Variants in EEA1 observed in about 807,000 individuals in gnomAD.
EEA1 encodes the protein early endosome antigen 1, 162kD.
A neutral mutation model predicts 209.2 loss-of-function variants in EEA1; 111 were observed. The observed-to-expected ratio is 0.53, with a 90% CI of 0.45 to 0.62. The LOEUF (loss-of-function observed/expected upper bound fraction) is 0.62. Among genes scored for constraint, EEA1 ranks in the 20% least tolerant of loss-of-function variants. The pLI, the probability that EEA1 is intolerant of heterozygous loss-of-function variation, is 0.00. For synonymous variants in EEA1, 536 were observed against 540.6 expected (o/e 0.99, Z 0.12); for missense variants, 1,343 against 1,530.8 (o/e 0.88, Z 2.05).
intron 3 of EEA1, among the ~76,000 whole-genome samples, chr12:92,860,065 T>C (rs1028756891): frequency 1.3e-5 from 2 of 152,230 alleles, no homozygotes; most frequent in African/African-American, 4.8e-5. Context: ...ATCTCTCCAC[T>C]TTCAGCTGTA....
Position 92,842,505 on chromosome 12 carries a change from T to G in EEA1, c.875A>C (p.Lys292Thr). 6.2e-7 allele frequency: 1 copy of G among 1,608,636 alleles called. No individual in the cohort carries two copies. The highest frequency in any genetic ancestry group is 8.5e-7 in the Non-Finnish European group (1 of 1,177,384). The change falls in exon 10 of 29, where the codon AAA becomes ACA. Residue 292 changes from lysine to threonine, a missense_variant. Coordinates refer to ENST00000322349, the MANE Select transcript of EEA1 (RefSeq NM_003566.4). ...EVAVYVQELQ[K>T]LKSSVNELTQ... The stretch of plus-strand genomic sequence containing the variant: ...TAATTCATTAACTGAACTTTTCAGT[T>G]TTTGTAGTTCCTGTACATATACAGC...
intron 21 of EEA1, among the ~76,000 whole-genome samples, chr12:92,794,729 C>T (rs1218598440): frequency 1.1e-4 from 8 of 73,148 alleles, no homozygotes; most frequent in African/African-American, 3.1e-4. Flanking sequence ...CAGGGCCTGT[C>T]GGGGGGTGGG....
intron 9 of EEA1, among the ~76,000 whole-genome samples, chr12:92,846,043 T>C (rs987458754): frequency 2.6e-5 from 4 of 152,230 alleles, no homozygotes; most frequent in African/African-American, 9.6e-5. Context: ...GCAAACATCC[T>C]GCTGGTGCAT....
At chr12:92,873,256 C>T (rs903713740) in intron 2 of EEA1, among the ~76,000 whole-genome samples, 5 of 151,852 alleles carry the variant, frequency 3.3e-5, no homozygotes, top group African/African-American at 7.3e-5. Context: ...AAGTGCTCAA[C>T]GAATATGAAT....
chr12:92,787,257 A>G (rs1250600804), intron 22 of EEA1, among the ~76,000 whole-genome samples: 2 of 152,182 alleles, frequency 1.3e-5, no homozygotes, highest in African/African-American at 4.8e-5. Flanking sequence ...AGAGAACACA[A>G]ATATTCCATT....
At chr12:92,797,303 G>T (rs1474346446) in intron 21 of EEA1, among the ~76,000 whole-genome samples, 1 of 152,112 alleles carries the variant, frequency 6.6e-6, no homozygotes, top group Non-Finnish European at 1.5e-5. Flanking sequence ...GGCCAGGCTG[G>T]TCTCGAACTC....
intron 13 of EEA1, among the ~76,000 whole-genome samples, chr12:92,823,647 C>T (rs1440465799): frequency 6.6e-6 from 1 of 152,182 alleles, no homozygotes; most frequent in Non-Finnish European, 1.5e-5. Flanking sequence ...TTTCATGTTT[C>T]CATAATGAGG....
At chr12:92,850,398 A>G (rs1877561909) in intron 9 of EEA1, among the ~76,000 whole-genome samples, 1 of 152,190 alleles carries the variant, frequency 6.6e-6, no homozygotes, top group Admixed American at 6.5e-5. Flanking sequence ...TCAATTAGAA[A>G]TAAGCTTATG....
At chr12:92,790,248 G>T (rs758978455) in intron 21 of EEA1, among the ~76,000 whole-genome samples, 8 of 152,132 alleles carry the variant, frequency 5.3e-5, no homozygotes, top group Non-Finnish European at 1.2e-4. Flanking sequence ...ACAGCTCCTC[G>T]CCAGCAACAG....
chr12:92,820,772 T>TACAC (rs780642918), intron 13 of EEA1, among the ~76,000 whole-genome samples: 2 of 150,870 alleles, frequency 1.3e-5, no homozygotes, highest in Non-Finnish European at 3.0e-5. Flanking sequence ...TATATATATA[T>TACAC]ATACACACAC....
chr12:92,775,825 A>T lies in EEA1; in HGVS notation c.*186T>A. ...GGGAAAAAAGTAATGAAAGATGATA[A>T]GCCCAAGTCTCACAAAAATAGAAGA... On this transcript the variant is annotated 3_prime_UTR_variant, in exon 29 of 29. Transcript: ENST00000322349. 1 of 465,736 alleles carries T rather than the reference A, an allele frequency of 2.1e-6. No homozygotes were observed. Among genetic ancestry groups the T allele is most frequent in the Non-Finnish European group, 3.5e-6 (1 of 288,392 alleles). 28.9% of individuals were successfully genotyped at this position (465,736 alleles called of 1,614,324 possible).
At chr12:92,808,929 A>G in intron 18 of EEA1, 88 bp downstream of exon 18, 2 of 1,209,738 alleles carry the variant, frequency 1.7e-6, no homozygotes, top group Non-Finnish European at 2.2e-6. Flanking sequence ...TTTAAGCACT[A>G]CGATAGCAAA....
At chr12:92,880,656 T>C (rs935371368) in intron 2 of EEA1, among the ~76,000 whole-genome samples, 6 of 152,146 alleles carry the variant, frequency 3.9e-5, no homozygotes, top group Non-Finnish European at 7.4e-5. Context: ...TTTGTATTTT[T>C]AGTAGAGACG....
chr12:92,791,959 A>T (rs1332520961), intron 21 of EEA1, among the ~76,000 whole-genome samples: 1 of 152,252 alleles, frequency 6.6e-6, no homozygotes. Context: ...AGAATTCAGG[A>T]TTAAGAAACT....
intron 2 of EEA1, among the ~76,000 whole-genome samples, chr12:92,872,783 T>G (rs996751364): frequency 3.3e-5 from 5 of 152,052 alleles, no homozygotes; most frequent in African/African-American, 1.2e-4. Flanking sequence ...TGAAACCCCA[T>G]CTCTCCTAAA....
At chr12:92,869,790 G>GAAAAAAAAAA (rs1230847458) in intron 2 of EEA1, among the ~76,000 whole-genome samples, 14 of 69,050 alleles carry the variant, frequency 2.0e-4, no homozygotes, top group East Asian at 7.1e-4. Context: ...AAAAAAAAAG[G>GAAAAAAAAAA]AAAGCCCTTA....
At chr12:92,794,189 C>T (rs1286022836) in intron 21 of EEA1, among the ~76,000 whole-genome samples, 1 of 152,226 alleles carries the variant, frequency 6.6e-6, no homozygotes, top group Non-Finnish European at 1.5e-5. Flanking sequence ...GATACCATCT[C>T]ACGCCAGTTA....
In EEA1 at chr12:92,856,767, C is replaced by CTTT. The variant is rs57579359; in HGVS notation, c.366+505_366+507dup. ...AAAAACAACATATAGATACCTGATT[C>CTTT]TTTTTTTTTTTTTTTTTTTTTTGAG... On this transcript the variant is annotated intron_variant, in intron 5 of 28. Transcript: ENST00000322349. 9.8e-3 allele frequency among the ~76,000 whole-genome samples: 848 copies of CTTT among 86,568 alleles called. 30 individuals carry two copies. Among genetic ancestry groups the CTTT allele is most frequent in the African/African-American group, 0.015 (334 of 21,998 alleles). 56.8% of individuals were successfully genotyped at this position (86,568 alleles called of 152,430 possible).
rs1340479523 is a variant in EEA1 at position 92,916,230 on chromosome 12, TA to T, written c.24+12812del. On this transcript the variant is annotated intron_variant, in intron 1 of 28. Transcript: ENST00000322349. ...CAAAATAAGGGTTAACAGTCTGCTT[TA>T]AAGAAGAAGCCACTTTTCATTTTAT... Among the ~76,000 whole-genome samples, 11 of 152,204 alleles carry T rather than the reference TA, an allele frequency of 7.2e-5. No homozygotes were observed. The South Asian group carries it at 1.9e-3, about 26-fold the overall frequency.
Sources: allele counts gnomAD v4.1 joint callset (sites outside exome capture counted in the v4.1 genomes callset), GRCh38; gene constraint gnomAD v4.1.1; transcripts MANE v1.5; gene names NCBI Gene and HGNC (gene_info 2026-07-23, HGNC 2026-07-21).